SYCP2: variants seen among roughly 807,000 people sequenced by gnomAD.
SYCP2 encodes synaptonemal complex protein 2.
Under a neutral mutation model 211.3 loss-of-function variants are expected in SYCP2, and 55 were observed. That is an observed-to-expected ratio of 0.26 (90% CI 0.21 to 0.33). The LOEUF (loss-of-function observed/expected upper bound fraction) is 0.33, where lower values mean the gene tolerates loss of function less well. Among genes scored for constraint, SYCP2 ranks in the 10% least tolerant of loss-of-function variants. The pLI is 1.00. For missense variants in SYCP2, 1,731 were observed against 1,752.0 expected (o/e 0.99, Z 0.21); for synonymous variants, 570 against 555.2 (o/e 1.03, Z -0.37).
intron 12 of SYCP2, 21 bp from the exon 13 acceptor site, chr20:59,912,439 A>C: frequency 1.1e-6 from 1 of 937,632 alleles, no homozygotes; most frequent in Non-Finnish European, 1.6e-6. Context: ...AAGTAGTTTA[A>C]GAAAAAAATA....
chr20:59,913,501 C>T (rs1404853344), intron 12 of SYCP2, among the ~76,000 whole-genome samples: 1 of 152,066 alleles, frequency 6.6e-6, no homozygotes. Flanking sequence ...ATTACACATC[C>T]TTTCATGCCC....
At chr20:59,882,887 C>T (rs181919978) in intron 26 of SYCP2, among the ~76,000 whole-genome samples, 120 of 151,964 alleles carry the variant, frequency 7.9e-4, no homozygotes, top group African/African-American at 2.3e-3. Context: ...TATATTTTAC[C>T]TCAACAAAAA....
intron 12 of SYCP2, 80 bp from the exon 13 acceptor site, chr20:59,912,498 G>T (rs1258637763): frequency 1.9e-6 from 1 of 520,176 alleles, no homozygotes; most frequent in Non-Finnish European, 3.4e-6. Context: ...ATCATGCCTA[G>T]AATCAAAAGG....
intron 37 of SYCP2, 129 bp downstream of exon 37, chr20:59,868,706 T>A (rs2059396206): frequency 8.1e-7 from 1 of 1,239,280 alleles, no homozygotes; most frequent in Admixed American, 3.0e-5. Context: ...CATTCAATTC[T>A]ACCTAGTTTA....
intron 35 of SYCP2, among the ~76,000 whole-genome samples, chr20:59,870,682 A>C (rs1242522376): frequency 6.6e-6 from 1 of 151,850 alleles, no homozygotes; most frequent in East Asian, 1.9e-4. Flanking sequence ...AGGAATTCTG[A>C]GGAATGGTGG....
At chr20:59,901,203 A>G (rs2060109737) in intron 16 of SYCP2, among the ~76,000 whole-genome samples, 3 of 152,042 alleles carry the variant, frequency 2.0e-5, no homozygotes, top group African/African-American at 7.2e-5. Flanking sequence ...TATTTTATCT[A>G]AATGCTTTCC....
chr20:59,898,130 TAAAA>T (rs2060046082), intron 18 of SYCP2, among the ~76,000 whole-genome samples: 3 of 151,806 alleles, frequency 2.0e-5, no homozygotes, highest in East Asian at 3.9e-4. Context: ...AAAAATTAAA[TAAAA>T]AGAAAGAAAG....
chr20:59,879,754 T>C (rs1052551536), intron 31 of SYCP2, among the ~76,000 whole-genome samples: 4 of 148,320 alleles, frequency 2.7e-5, no homozygotes, highest in African/African-American at 4.9e-5. Flanking sequence ...TTTGTGTCTA[T>C]ATAAATTCCT....
chr20:59,885,181 A>T (rs2059762048), intron 26 of SYCP2: 1 of 152,116 alleles, frequency 6.6e-6, no homozygotes, highest in Non-Finnish European at 1.5e-5. Context: ...TTTTAAAGGG[A>T]AAAGTGAGCC....
chr20:59,868,836 T>C lies in SYCP2; in HGVS notation c.3831A>G (p.Ser1277=). 6.2e-7 allele frequency: 1 copy of C among 1,604,974 alleles called. No homozygotes were observed. The highest frequency in any genetic ancestry group is 8.5e-7 in the Non-Finnish European group (1 of 1,175,660). ...AAAAGCAAGACTATGACTACAAACC[T>C]GATACATGAGTAGCATCACAGGGCA... The part of the protein sequence containing the change: ...FDMPCDATHV[S]GPTQHLSRKR... Residue 1277 remains serine (S), a splice_region_variant and synonymous_variant, in exon 37 of 45, where the codon TCA becomes TCG. Coordinates refer to ENST00000357552, the MANE Select transcript of SYCP2 (RefSeq NM_014258.4).
rs753652449 is a variant in SYCP2, at chr20:59,919,528, G to C, written c.367C>G (p.Leu123Val). Residue 123 changes from leucine (L) to valine (V), a missense_variant, in exon 6 of 45, where the codon CTA (leucine) becomes GTA (valine). By Grantham distance (32) the Leu-to-Val change is conservative (BLOSUM62 1). Transcript: ENST00000357552. ...TCAACTAAGTCTTCTATCATATTTA[G>C]AACAGCTTCATCTTTTGAATTTCCT... is the stretch of plus-strand genomic sequence containing the variant. ...SQGNSKDEAV[L>V]NMIEDLVDLL... 2.2e-5 allele frequency: 36 copies of C among 1,607,712 alleles called. No individual in the cohort carries two copies. Among genetic ancestry groups the C allele is most frequent in the Non-Finnish European group, 2.6e-5 (31 of 1,175,922 alleles).
intron 18 of SYCP2, among the ~76,000 whole-genome samples, chr20:59,897,780 T>C (rs919721602): frequency 3.3e-5 from 5 of 151,886 alleles, no homozygotes; most frequent in Non-Finnish European, 7.4e-5. Context: ...CAGGCAAAGC[T>C]CCACGAAGAA....
Position 59,892,650 on chromosome 20 carries a change from C to A in SYCP2, c.1845G>T (p.Trp615Cys), listed in dbSNP as rs2059929196. Residue 615 changes from tryptophan to cysteine, a missense_variant, in exon 23 of 45, where the codon TGG becomes TGT. Trp to Cys is a radical substitution (Grantham distance 215, BLOSUM62 -2). This residue lies in a region of SYCP2 where 1,387 missense variants were observed against 1,351.3 expected (regional missense o/e 1.03). Coordinates refer to ENST00000357552, the MANE Select transcript of SYCP2 (RefSeq NM_014258.4). ...NICGNKIHSK[W>C]ACWTPVTNIE... ...TGTTTGTTACAGGTGTCCAACATGC[C>A]CATTTGCTGTGTATTTTATTTCCAC... 1 of 1,609,844 alleles carries A rather than the reference C, an allele frequency of 6.2e-7. No individual in the cohort carries two copies. The highest frequency in any genetic ancestry group is 8.5e-7 in the Non-Finnish European group (1 of 1,177,832).
chr20:59,912,386 A>G lies in SYCP2; in HGVS notation c.863T>C (p.Leu288Pro). Residue 288 changes from leucine (L) to proline (P), a missense_variant, in exon 13 of 45, where the codon CTT (leucine) becomes CCT (proline). Physicochemically the swap from Leu to Pro is moderately conservative, Grantham distance 98. This residue lies in a region of SYCP2 where 335 missense variants were observed against 378.8 expected (regional missense o/e 0.88). Coordinates refer to ENST00000357552, the MANE Select transcript of SYCP2 (RefSeq NM_014258.4). Reference sequence around the variant, plus strand: ...TTAAAATTTTACCTCATATTTATCAAGAAATGCTGATAAACAAGGAAATGT... The same window carrying G: ...TTAAAATTTTACCTCATATTTATCAGGAAATGCTGATAAACAAGGAAATGT... ...VFTFPCLSAF[L>P]DKYELQIPSD... 9.2e-7 allele frequency: 1 copy of G among 1,085,166 alleles called. No individual in the cohort carries two copies. The highest frequency in any genetic ancestry group is 1.4e-5 in the South Asian group (1 of 69,028). The allele number at this position is 1,085,166 out of a possible 1,614,324, so 67.2% of individuals were successfully genotyped here.
intron 24 of SYCP2, among the ~76,000 whole-genome samples, chr20:59,887,392 T>C (rs1468826928): frequency 6.6e-6 from 1 of 152,206 alleles, no homozygotes; most frequent in Admixed American, 6.6e-5. Context: ...TAATCCAGTC[T>C]ATCATTGAGG....
At chr20:59,887,440 T>C (rs2059813996) in intron 24 of SYCP2, among the ~76,000 whole-genome samples, 1 of 152,182 alleles carries the variant, frequency 6.6e-6, no homozygotes, top group African/African-American at 2.4e-5. Flanking sequence ...CTATCGTGAA[T>C]AGTGCCACAA....
intron 10 of SYCP2, 87 bp downstream of exon 10, chr20:59,915,078 A>G: frequency 2.3e-6 from 2 of 860,802 alleles, no homozygotes; most frequent in Non-Finnish European, 3.8e-6. Context: ...TCAGTCTCAC[A>G]TTGCTATGCT....
chr20:59,916,639 A>T, intron 7 of SYCP2, 68 bp from the exon 8 acceptor site: 1 of 1,129,996 alleles, frequency 8.8e-7, no homozygotes, highest in Non-Finnish European at 1.3e-6. Flanking sequence ...GTCTTTTCTT[A>T]TAAGAGTTAG....
chr20:59,881,403 G>T (rs766690788), intron 29 of SYCP2, 34 bp downstream of exon 29: 1 of 1,146,580 alleles, frequency 8.7e-7, no homozygotes, highest in South Asian at 1.5e-5. Flanking sequence ...GAAAAAAAAA[G>T]ATCAGAATAT....
Sources: allele counts gnomAD v4.1 joint callset (sites outside exome capture counted in the v4.1 genomes callset), GRCh38; gene constraint gnomAD v4.1.1; regional missense constraint gnomAD v4.1.1; transcripts MANE v1.5; gene names NCBI Gene and HGNC (gene_info 2026-07-23, HGNC 2026-07-21).